Variants in KCNH5 observed in about 807,000 individuals in gnomAD.
KCNH5 encodes the protein potassium voltage-gated channel subfamily H member 5.
In KCNH5, 46 loss-of-function variants were observed where a neutral mutation model predicts 96.1. The observed-to-expected ratio is 0.48, with a 90% CI of 0.38 to 0.61. The LOEUF (loss-of-function observed/expected upper bound fraction) is 0.61, where lower values mean the gene tolerates loss of function less well. Among genes scored for constraint, KCNH5 ranks in the 20% least tolerant of loss-of-function variants. The pLI, the probability that KCNH5 is intolerant of heterozygous loss-of-function variation, is 0.00. For missense variants in KCNH5, 907 were observed against 1,225.8 expected, an observed-to-expected ratio of 0.74 and a Z score of 3.88; for synonymous variants, 439 against 449.8, an observed-to-expected ratio of 0.98 and a Z score of 0.30.
At chr14:62,878,205 G>GT (rs1555361463) in intron 7 of KCNH5, among the ~76,000 whole-genome samples, 10 of 146,160 alleles carry the variant, frequency 6.8e-5, no homozygotes, top group African/African-American at 2.7e-4. Context: ...TGGGGATGGG[G>GT]GGGGGGGCGG....
intron 10 of KCNH5, among the ~76,000 whole-genome samples, chr14:62,733,457 A>T (rs1885093117): frequency 6.6e-6 from 1 of 152,146 alleles, no homozygotes; most frequent in Non-Finnish European, 1.5e-5. Flanking sequence ...CCTTGATCTT[A>T]GACTTCTCAG....
At chr14:62,994,779 T>C (rs1236552117) in intron 4 of KCNH5, among the ~76,000 whole-genome samples, 5 of 151,972 alleles carry the variant, frequency 3.3e-5, no homozygotes, top group Non-Finnish European at 7.4e-5. Flanking sequence ...CAGTCAGACG[T>C]TGAGCGTCAG....
At chr14:62,746,541 T>C (rs979221246) in intron 10 of KCNH5, among the ~76,000 whole-genome samples, 19 of 152,234 alleles carry the variant, frequency 1.2e-4, no homozygotes, top group Non-Finnish European at 2.4e-4. Flanking sequence ...TTTAGGGCTG[T>C]TTCCATTAGC....
Position 62,981,253 on chromosome 14 carries a change from C to T in KCNH5, c.561G>A (p.Leu187=). 1 of 1,613,980 alleles carries T rather than the reference C, an allele frequency of 6.2e-7. No homozygotes were observed. Among genetic ancestry groups the T allele is most frequent in the Non-Finnish European group, 8.5e-7 (1 of 1,179,950 alleles). The change falls in exon 6 of 11, where the codon CTG becomes CTA. Residue 187 remains leucine (L), a synonymous_variant. Transcript: ENST00000322893. ...TATACTGAGGAAGGATATCTGATCC[C>T]AGCTGAAGAACCTAAAAGAGAGAAA... ...KHSRLAEVLQ[L]GSDILPQYKQ... is the part of the protein sequence containing the mutation.
At chr14:62,869,684 T>C (rs1009135940) in intron 7 of KCNH5, among the ~76,000 whole-genome samples, 5 of 152,066 alleles carry the variant, frequency 3.3e-5, no homozygotes, top group Non-Finnish European at 5.9e-5. Flanking sequence ...TCACACTACC[T>C]GACTTCAAAC....
At position 62,751,421 on chromosome 14, in the gene KCNH5, T is replaced by G. The variant is rs368216169; in HGVS notation, c.2019+28307A>C. Among the ~76,000 whole-genome samples the G allele has an allele frequency of 1.0e-3, 154 of 152,318 alleles. 1 individual carries two copies. The highest frequency in any genetic ancestry group is 3.5e-3 in the African/African-American group (145 of 41,564). ...GTTACCCAAGGCTCCTCTAGAGATA[T>G]GCCTAGTTGTCCAATGGGAGCTGTG... is the stretch of plus-strand genomic sequence containing the variant. On this transcript the variant is annotated intron_variant, in intron 10 of 10. Transcript: ENST00000322893.
intron 10 of KCNH5, among the ~76,000 whole-genome samples, chr14:62,761,527 A>T (rs1885750950): frequency 6.6e-6 from 1 of 152,194 alleles, no homozygotes; most frequent in African/African-American, 2.4e-5. Context: ...AGTGAAGGGA[A>T]GAAATCCCTA....
At position 62,894,469 on chromosome 14, in the gene KCNH5, G is replaced by C. The variant is rs530840148; in HGVS notation, c.1370-44617C>G. Among the ~76,000 whole-genome samples the C allele has an allele frequency of 5.8e-4, 89 of 152,302 alleles. 1 individual carries two copies. The highest frequency in any genetic ancestry group is 2.0e-3 in the African/African-American group (85 of 41,564). On this transcript the variant is annotated intron_variant, in intron 7 of 10. Transcript: ENST00000322893. Reference sequence around the variant, plus strand: ...CCTGCACGTTTGTAAGTGTGTATGTGTTCATCTACCTCATGTAGATTCCCT... The same window carrying C: ...CCTGCACGTTTGTAAGTGTGTATGTCTTCATCTACCTCATGTAGATTCCCT...
intron 10 of KCNH5, among the ~76,000 whole-genome samples, chr14:62,722,923 C>T (rs1884845803): frequency 1.3e-5 from 2 of 152,342 alleles, no homozygotes; most frequent in South Asian, 4.1e-4. Flanking sequence ...GTTCCTTCCA[C>T]TATTTTATAT....
At chr14:62,908,262 T>C (rs923890943) in intron 7 of KCNH5, among the ~76,000 whole-genome samples, 1 of 152,220 alleles carries the variant, frequency 6.6e-6, no homozygotes, top group African/African-American at 2.4e-5. Context: ...TTTTACAGGT[T>C]AGGAATCTGA....
intron 7 of KCNH5, among the ~76,000 whole-genome samples, chr14:62,915,859 A>G (rs1261782577): frequency 1.3e-5 from 2 of 152,200 alleles, no homozygotes; most frequent in African/African-American, 4.8e-5. Context: ...CCCACGTGAT[A>G]AATGAAAAAC....
chr14:62,793,566 A>C (rs1886478640), intron 9 of KCNH5, among the ~76,000 whole-genome samples: 1 of 151,866 alleles, frequency 6.6e-6, no homozygotes, highest in African/African-American at 2.4e-5. Context: ...AGTGAGATTC[A>C]AAGCACAGGT....
At chr14:62,903,154 A>G (rs910431125) in intron 7 of KCNH5, among the ~76,000 whole-genome samples, 10 of 152,208 alleles carry the variant, frequency 6.6e-5, no homozygotes, top group African/African-American at 2.2e-4. Flanking sequence ...GTGTAGGAGT[A>G]CAATACAGTA....
chr14:62,856,611 T>G (rs1266943868), intron 7 of KCNH5, among the ~76,000 whole-genome samples: 2 of 152,212 alleles, frequency 1.3e-5, no homozygotes, highest in Non-Finnish European at 2.9e-5. Context: ...ATGGCTCCGG[T>G]TGGCCTTAGC....
At chr14:62,871,800 AG>A (rs1289041028) in intron 7 of KCNH5, among the ~76,000 whole-genome samples, 1 of 152,200 alleles carries the variant, frequency 6.6e-6, no homozygotes, top group East Asian at 1.9e-4. Flanking sequence ...GCAGTGTGGT[AG>A]GCAAGGATTG....
Position 62,784,926 on chromosome 14 carries a change from C to G in KCNH5, c.1823-5002G>C, listed in dbSNP as rs529532429. Among the ~76,000 whole-genome samples the G allele has an allele frequency of 2.0e-5, 3 of 152,166 alleles. No individual in the cohort carries two copies. The South Asian group carries it at 6.2e-4, about 32-fold the overall frequency. On this transcript the variant is annotated intron_variant, in intron 9 of 10. Transcript: ENST00000322893. The stretch of plus-strand genomic sequence containing the variant: ...AACTAGAGTATGAACTCATGATAAA[C>G]TTTATTTCCTGCTCCTCTCCCAAAA...
chr14:62,748,125 A>T (rs1164355561), intron 10 of KCNH5, among the ~76,000 whole-genome samples: 1 of 152,178 alleles, frequency 6.6e-6, no homozygotes, highest in Non-Finnish European at 1.5e-5. Context: ...CACAGTGCTA[A>T]GCAAAAGCAA....
chr14:62,874,247 T>C (rs1888322781), intron 7 of KCNH5, among the ~76,000 whole-genome samples: 1 of 151,934 alleles, frequency 6.6e-6, no homozygotes, highest in African/African-American at 2.4e-5. Context: ...AAATGGCTCA[T>C]AATATTGACA....
intron 7 of KCNH5, among the ~76,000 whole-genome samples, chr14:62,910,465 C>A (rs1889127739): frequency 1.3e-5 from 2 of 151,870 alleles, no homozygotes; most frequent in South Asian, 2.1e-4. Flanking sequence ...TTTAAAAAAA[C>A]AAATAGAATC....
Sources: gnomAD v4.1 joint callset for allele counts (sites outside exome capture counted in the v4.1 genomes callset) on GRCh38, gnomAD v4.1.1 for gene constraint, MANE v1.5 for transcripts, NCBI Gene and HGNC (gene_info 2026-07-23, HGNC 2026-07-21) for gene names.